The following TSHZ3 variants were observed in gnomAD, a reference collection of about 807,000 sequenced individuals.
TSHZ3 encodes teashirt homolog 3.
A neutral mutation model predicts 64.5 loss-of-function variants in TSHZ3; 10 were observed. The ratio of observed to expected loss-of-function variants is 0.16; its 90% CI spans 0.10 to 0.26. The LOEUF (loss-of-function observed/expected upper bound fraction) is 0.26, where lower values mean the gene tolerates loss of function less well. Among genes scored for constraint, TSHZ3 ranks in the 10% least tolerant of loss-of-function variants. The pLI, the probability that TSHZ3 is intolerant of heterozygous loss-of-function variation, is 1.00. For synonymous variants in TSHZ3, 608 were observed against 593.1 expected (o/e 1.03, Z -0.36); for missense variants, 1,242 against 1,421.7 (o/e 0.87, Z 2.03).
chr19:31,350,297 C>G (rs1365592954), upstream of TSHZ3, among the ~76,000 whole-genome samples: 1 of 150,960 alleles, frequency 6.6e-6, no homozygotes, highest in Non-Finnish European at 1.5e-5. Context: ...GTAGCCACTT[C>G]CCCCAATTTT....
chr19:31,203,729 G>C (rs1360110794), intron 5 of TSHZ3, among the ~76,000 whole-genome samples: 1 of 152,028 alleles, frequency 6.6e-6, no homozygotes, highest in Non-Finnish European at 1.5e-5. Context: ...TGGTAAGGCA[G>C]GCTTTAGGTA....
At chr19:31,246,836 G>A (rs1316138225) in intron 1 of TSHZ3, among the ~76,000 whole-genome samples, 2 of 152,048 alleles carry the variant, frequency 1.3e-5, no homozygotes, top group African/African-American at 2.4e-5. Context: ...CACAAGATGA[G>A]CCTGAAACTT....
intron 1 of TSHZ3, among the ~76,000 whole-genome samples, chr19:31,346,770 G>A (rs1347371504): frequency 6.6e-6 from 1 of 151,164 alleles, no homozygotes; most frequent in Admixed American, 6.6e-5. Flanking sequence ...GGAAGTTTCT[G>A]GTCCATCCAA....
At chr19:31,182,791 A>T (rs1465652625) in intron 5 of TSHZ3, among the ~76,000 whole-genome samples, 1 of 152,206 alleles carries the variant, frequency 6.6e-6, no homozygotes, top group Admixed American at 6.5e-5. Context: ...TTCACAGAGG[A>T]CAAGTAAAGT....
At chr19:31,305,536 C>G (rs1916268052) in intron 1 of TSHZ3, 4 of 152,156 alleles carry the variant, frequency 2.6e-5, no homozygotes, top group Admixed American at 2.6e-4. Context: ...GAGTGAGATC[C>G]CTGCAGCAGG....
chr19:31,328,392 C>T (rs1399361459), intron 1 of TSHZ3, among the ~76,000 whole-genome samples: 2 of 152,284 alleles, frequency 1.3e-5, no homozygotes, highest in Non-Finnish European at 2.9e-5. Context: ...ACCTCTCCCA[C>T]ACCAGGGATG....
At chr19:31,314,415 G>A (rs988199914) in intron 1 of TSHZ3, among the ~76,000 whole-genome samples, 2 of 152,218 alleles carry the variant, frequency 1.3e-5, no homozygotes, top group Admixed American at 1.3e-4. Flanking sequence ...GTGGGGCTCT[G>A]CCTGCACCCC....
chr19:31,314,325 G>C (rs756381656), intron 1 of TSHZ3, among the ~76,000 whole-genome samples: 1 of 152,174 alleles, frequency 6.6e-6, no homozygotes, highest in Admixed American at 6.5e-5. Context: ...GAGAGCGGGC[G>C]GCAGGGAGGC....
rs765436525 is a variant in TSHZ3, at chr19:31,279,314, C to A, written c.479G>T (p.Cys160Phe). The change falls in exon 2 of 2, where the codon TGT (cysteine) becomes TTT (phenylalanine). Residue 160 changes from cysteine to phenylalanine, a missense_variant. Physicochemically the swap from Cys to Phe is radical, Grantham distance 205. Around this residue, in one of 4 missense-constraint regions of TSHZ3, gnomAD observed 555 missense variants for 704.0 expected, o/e 0.79. Coordinates refer to ENST00000240587, the MANE Select transcript of TSHZ3 (RefSeq NM_020856.4). The surrounding 1 kb of genome is among the most constrained non-coding windows in gnomAD (Gnocchi z 6.4). ...SSSSSSSSSS[C>F]GSGSFDWHQS... Reference sequence around the variant, plus strand: ...GTGCCAGTCGAAGCTCCCGCTGCCACAGCTGCTGCTGCTGCTACTGCTGCT... The same window carrying A: ...GTGCCAGTCGAAGCTCCCGCTGCCAAAGCTGCTGCTGCTGCTACTGCTGCT... 1.1e-5 allele frequency: 17 copies of A among 1,613,778 alleles called. No individual in the cohort carries two copies. Among genetic ancestry groups the A allele is most frequent in the Non-Finnish European group, 1.4e-5 (17 of 1,179,898 alleles).
intron 1 of TSHZ3, among the ~76,000 whole-genome samples, chr19:31,331,756 CGGG>C (rs1917102587): frequency 6.6e-6 from 1 of 152,194 alleles, no homozygotes; most frequent in Non-Finnish European, 1.5e-5. Flanking sequence ...CTGGTCCAGC[CGGG>C]ACAGTCAATT....
chr19:31,189,240 T>G (rs1328009132), intron 5 of TSHZ3, among the ~76,000 whole-genome samples: 3 of 151,992 alleles, frequency 2.0e-5, no homozygotes, highest in African/African-American at 7.2e-5. Flanking sequence ...ATTTATTATC[T>G]TCAATGTTTG....
intron 1 of TSHZ3, among the ~76,000 whole-genome samples, chr19:31,303,308 C>T (rs1302680810): frequency 6.6e-6 from 1 of 152,188 alleles, no homozygotes. Flanking sequence ...TTCTCCACTA[C>T]GCTAAGGAAT....
intron 5 of TSHZ3, among the ~76,000 whole-genome samples, chr19:31,200,278 A>T (rs1453126979): frequency 2.0e-5 from 3 of 152,224 alleles, no homozygotes; most frequent in Admixed American, 2.0e-4. Flanking sequence ...ATGGATATGT[A>T]TAGCAGCTTT....
rs565926372 is a variant in TSHZ3, at chr19:31,279,038, T to C, written c.755A>G (p.Lys252Arg). The C allele has an allele frequency of 7.9e-5, 128 of 1,614,064 alleles. No individual in the cohort carries two copies. The South Asian group carries it at 1.4e-3, about 17-fold the overall frequency. The change falls in exon 2 of 2, where the codon AAG becomes AGG. Residue 252 changes from lysine to arginine, a missense_variant. By Grantham distance (26) the Lys-to-Arg change is conservative. This residue lies in a region of TSHZ3 where 555 missense variants were observed against 704.0 expected (regional missense o/e 0.79). Coordinates refer to ENST00000240587, the MANE Select transcript of TSHZ3 (RefSeq NM_020856.4). The surrounding 1 kb of genome is among the most constrained non-coding windows in gnomAD (Gnocchi z 6.4). ...DNHETDNNNPKRWSKPRKRSL... is the reference protein window; with the variant it reads ...DNHETDNNNPRRWSKPRKRSL... ...GCGTTTGCGAGGCTTGGACCAGCGC[T>C]TGGGGTTGTTGTTATCGGTCTCATG... is the stretch of plus-strand genomic sequence containing the variant.
intron 3 of TSHZ3, among the ~76,000 whole-genome samples, chr19:31,229,217 G>A (rs1975508813): frequency 6.6e-6 from 1 of 152,178 alleles, no homozygotes; most frequent in African/African-American, 2.4e-5. Context: ...GATTCTAAAT[G>A]TTGTCTGGAA....
intron 3 of TSHZ3, among the ~76,000 whole-genome samples, chr19:31,238,071 G>A (rs1201346140): frequency 6.6e-6 from 1 of 152,028 alleles, no homozygotes; most frequent in Non-Finnish European, 1.5e-5. Context: ...TATTCTGCAG[G>A]TGTTTGTGGT....
At chr19:31,344,618 T>C (rs1301207283) in intron 1 of TSHZ3, among the ~76,000 whole-genome samples, 1 of 152,202 alleles carries the variant, frequency 6.6e-6, no homozygotes, top group Non-Finnish European at 1.5e-5. Flanking sequence ...GCCGCAGCCC[T>C]GGCCCCAGCC....
In TSHZ3 at chr19:31,179,744, T is replaced by TGATGGTGGTGGTGATGGTGGG. The variant is rs1426714971; in HGVS notation, n.810-23328_810-23327insCCCACCATCACCACCACCATC. Among the ~76,000 whole-genome samples the TGATGGTGGTGGTGATGGTGGG allele has an allele frequency of 2.5e-4, 37 of 149,540 alleles. 1 individual carries two copies. The South Asian group carries it at 7.9e-3, about 32-fold the overall frequency. On this transcript the variant is annotated intron_variant and non_coding_transcript_variant, in intron 5 of 6. Transcript: ENST00000651361. ...TGATGATGGTAGGTGGTGGTGGTGG[T>TGATGGTGGTGGTGATGGTGGG]GGTGATGGTGGTGGTGATGGTGGGG... is the stretch of plus-strand genomic sequence containing the variant.
At chr19:31,324,435 T>G (rs1388720979) in intron 1 of TSHZ3, among the ~76,000 whole-genome samples, 1 of 152,250 alleles carries the variant, frequency 6.6e-6, no homozygotes, top group East Asian at 1.9e-4. Flanking sequence ...ATTTCTTTGA[T>G]ATCAACATAA....
Sources: gnomAD v4.1 joint callset for allele counts (sites outside exome capture counted in the v4.1 genomes callset) on GRCh38, gnomAD v4.1.1 for gene constraint, gnomAD v4.1.1 regional missense constraint, Gnocchi (gnomAD v3.1) non-coding constraint, MANE v1.5 for transcripts, NCBI Gene and HGNC (gene_info 2026-07-23, HGNC 2026-07-21) for gene names.